The following FST variants were observed in gnomAD, a reference collection of about 807,000 sequenced individuals.
FST encodes follistatin.
In FST, 6 loss-of-function variants were observed where a neutral mutation model predicts 38.4. The observed-to-expected ratio is 0.16, with a 90% CI of 0.09 to 0.31. The LOEUF (loss-of-function observed/expected upper bound fraction) is 0.31. Among genes scored for constraint, FST ranks in the 10% least tolerant of loss-of-function variants. FST has a pLI of 1.00. For missense variants in FST, 301 were observed against 432.3 expected (o/e 0.70, Z 2.69); for synonymous variants, 157 against 169.8 (o/e 0.92, Z 0.59).
intron 1 of FST, 58 bp from the exon 2 acceptor site, chr5:53,482,822 C>G: frequency 8.9e-7 from 1 of 1,121,874 alleles, no homozygotes; most frequent in African/African-American, 1.6e-5. Context: ...CTCGCTCTCC[C>G]TGCCCTGCCA....
In FST at chr5:53,486,094, GAAAA is replaced by G. The variant is rs1261193756; in HGVS notation, c.*63_*66del. 1.4e-5 allele frequency: 10 copies of G among 696,908 alleles called. No homozygotes were observed. Among genetic ancestry groups the G allele is most frequent in the East Asian group, 3.3e-5 (1 of 30,764 alleles). The allele number at this position is 696,908 out of a possible 1,614,324, so 43.2% of individuals were successfully genotyped here. A position where few individuals can be genotyped will look rare whatever the true frequency, so the allele number is the denominator to read the frequency against. On this transcript the variant is annotated 3_prime_UTR_variant, in exon 6 of 6. Transcript: ENST00000256759. ...GTGCAAAAAAAAAAAAAAAAAAAAA[GAAAA>G]AGAAAAAAAGAAAAATATATTGTCC... is the stretch of plus-strand genomic sequence containing the variant.
intron 1 of FST, among the ~76,000 whole-genome samples, chr5:53,482,499 T>C (rs979276452): frequency 2.6e-5 from 4 of 151,920 alleles, no homozygotes; most frequent in African/African-American, 7.3e-5. Flanking sequence ...GCTCTTCGAG[T>C]CTCTGCAGGT....
At chr5:53,482,747 C>A in intron 1 of FST, 133 bp from the exon 2 acceptor site, 1 of 577,982 alleles carries the variant, frequency 1.7e-6, no homozygotes, top group South Asian at 2.3e-5. Flanking sequence ...TCCCGCGTCT[C>A]TCTCACTTCC....
In FST at chr5:53,480,830, C is replaced by CCTG. The variant is rs1217481371; in HGVS notation, c.51_53dup (p.Leu18dup). Reference sequence around the variant, plus strand: ...GGCACCAGCCGGGTGGGCTTTGCCTCCTGCTGCTGCTGCTCTGCCAGTTCA... The same window carrying CCTG: ...GGCACCAGCCGGGTGGGCTTTGCCTCCTGCTGCTGCTGCTGCTCTGCCAGTTCA... On this transcript the variant is annotated inframe_insertion, in exon 1 of 6. Coordinates refer to ENST00000256759, the MANE Select transcript of FST (RefSeq NM_013409.3). 5.9e-6 allele frequency: 9 copies of CCTG among 1,532,826 alleles called. No homozygotes were observed. Among genetic ancestry groups the CCTG allele is most frequent in the Non-Finnish European group, 7.0e-6 (8 of 1,137,876 alleles). 95.0% of individuals were successfully genotyped at this position (1,532,826 alleles called of 1,614,324 possible).
Position 53,484,153 on chromosome 5 carries a change from G to T in FST, c.581G>T (p.Arg194Leu). 1 of 1,612,118 alleles carries T rather than the reference G, an allele frequency of 6.2e-7. No individual in the cohort carries two copies. The highest frequency in any genetic ancestry group is 1.3e-5 in the African/African-American group (1 of 74,996). Residue 194 changes from arginine (R) to leucine (L), a missense_variant, in exon 4 of 6, where the codon CGG (arginine) becomes CTG (leucine). Physicochemically the swap from Arg to Leu is moderately radical, Grantham distance 102. Coordinates refer to ENST00000256759, the MANE Select transcript of FST (RefSeq NM_013409.3). Reference sequence around the variant, plus strand: ...AATGCCTACTGTGTGACCTGTAATCGGATTTGCCCAGAGCCTGCTTCCTCT... The same window carrying T: ...AATGCCTACTGTGTGACCTGTAATCTGATTTGCCCAGAGCCTGCTTCCTCT... ...TNNAYCVTCNRICPEPASSEQ... is the reference protein window; with the variant it reads ...TNNAYCVTCNLICPEPASSEQ...
Position 53,483,422 on chromosome 5 carries a change from G to T in FST, c.278-82G>T. ...AGCGCAAACTCAGGGCTGCATGATT[G>T]CGCAAGGCACCCGAAGCCCTCCTGG... On this transcript the variant is annotated intron_variant, in intron 2 of 5. Coordinates refer to ENST00000256759, the MANE Select transcript of FST (RefSeq NM_013409.3). This position sits in a 1 kb window ranked among gnomAD's most constrained non-coding sequence, Gnocchi z 4.1. 1 of 1,067,718 alleles carries T rather than the reference G, an allele frequency of 9.4e-7. No individual in the cohort carries two copies. Among genetic ancestry groups the T allele is most frequent in the Non-Finnish European group, 1.4e-6 (1 of 706,290 alleles). 66.1% of individuals were successfully genotyped at this position (1,067,718 alleles called of 1,614,324 possible).
rs935726825 is a variant in FST, at chr5:53,480,633, A to G, written c.-159A>G. On this transcript the variant is annotated 5_prime_UTR_variant, in exon 1 of 6. Coordinates refer to ENST00000256759, the MANE Select transcript of FST (RefSeq NM_013409.3). ...CGGCTGCGCCCGGCTTCTGACGTCC[A>G]TTGAATCGCGCGGGCGGCCGGCGGC... 1 of 150,652 alleles carries G rather than the reference A, an allele frequency of 6.6e-6. No individual in the cohort carries two copies. The highest frequency in any genetic ancestry group is 1.5e-5 in the Non-Finnish European group (1 of 68,010). 9.3% of individuals were successfully genotyped at this position (150,652 alleles called of 1,614,324 possible). A position where few individuals can be genotyped will look rare whatever the true frequency, so the allele number is the denominator to read the frequency against.
Position 53,485,196 on chromosome 5 carries a change from A to G in FST, c.921A>G (p.Leu307=), listed in dbSNP as rs754474265. ...MKEAACSSGV[L]LEVKHSGSCN... is the part of the protein sequence containing the mutation. Reference sequence around the variant, plus strand: ...AAGCTGCCTGCTCCTCAGGTGTGCTACTGGAAGTAAAGCACTCCGGATCTT... The same window carrying G: ...AAGCTGCCTGCTCCTCAGGTGTGCTGCTGGAAGTAAAGCACTCCGGATCTT... The change falls in exon 5 of 6, where the codon CTA becomes CTG. Residue 307 remains leucine, a synonymous_variant. Transcript: ENST00000256759. The G allele has an allele frequency of 5.6e-6, 9 of 1,608,580 alleles. No homozygotes were observed. The highest frequency in any genetic ancestry group is 2.2e-5 in the South Asian group (2 of 91,000).
In FST at chr5:53,483,619, C is replaced by G. The variant is rs752495972; in HGVS notation, c.393C>G (p.Val131=). 3.4e-5 allele frequency: 55 copies of G among 1,614,048 alleles called. No homozygotes were observed. In the Middle Eastern group the frequency reaches 6.6e-4, roughly 19 times the overall value. ...CCAACATCACCTGGAAGGGTCCAGT[C>G]TGCGGGCTGGATGGGAAAACCTACC... ...DCSNITWKGP[V]CGLDGKTYRN... The change falls in exon 3 of 6, where the codon GTC becomes GTG. Residue 131 remains valine (V), a synonymous_variant. Transcript: ENST00000256759. The surrounding 1 kb of genome is among the most constrained non-coding windows in gnomAD (Gnocchi z 4.1).
rs1198285470 is a variant in FST at position 53,483,805 on chromosome 5, G to A, written c.496+83G>A. ...AAAGTAGACCCTCTAGAAGACCCTT[G>A]GGGGATGGTGTAGTCCGCAGTAAGA... On this transcript the variant is annotated intron_variant, in intron 3 of 5. Transcript: ENST00000256759. The surrounding 1 kb of genome is among the most constrained non-coding windows in gnomAD (Gnocchi z 4.1). The A allele has an allele frequency of 2.0e-6, 2 of 1,010,196 alleles. No homozygotes were observed. The highest frequency in any genetic ancestry group is 3.0e-6 in the Non-Finnish European group (2 of 658,692). The allele number at this position is 1,010,196 out of a possible 1,614,324, so 62.6% of individuals were successfully genotyped here.
chr5:53,482,825 C>T, intron 1 of FST, 55 bp from the exon 2 acceptor site: 2 of 1,144,666 alleles, frequency 1.7e-6, no homozygotes, highest in Non-Finnish European at 2.5e-6. Context: ...GCTCTCCCTG[C>T]CCTGCCACCG....
At position 53,486,401 on chromosome 5, in the gene FST, A is replaced by G. The variant is rs1561301188; in HGVS notation, c.*368A>G. The G allele has an allele frequency of 6.3e-6, 1 of 158,218 alleles. No homozygotes were observed. The highest frequency in any genetic ancestry group is 2.4e-5 in the African/African-American group (1 of 41,690). The allele number at this position is 158,218 out of a possible 1,614,324, so 9.8% of individuals were successfully genotyped here. On this transcript the variant is annotated 3_prime_UTR_variant, in exon 6 of 6. Coordinates refer to ENST00000256759, the MANE Select transcript of FST (RefSeq NM_013409.3). The stretch of plus-strand genomic sequence containing the variant: ...GGAAGAGCAGTTGTTATTTATTGTG[A>G]GGTCTCTTGCTTGTAAAGTAAAAGC...
chr5:53,483,977 C>A lies in FST; in HGVS notation c.497-92C>A. ...CTAAGTGCCTTTTGAAAGCTGGATG[C>A]TTCAGTGTCATGATTTCCTTGGTAA... On this transcript the variant is annotated intron_variant, in intron 3 of 5. Coordinates refer to ENST00000256759, the MANE Select transcript of FST (RefSeq NM_013409.3). This position sits in a 1 kb window ranked among gnomAD's most constrained non-coding sequence, Gnocchi z 4.1. 1 of 1,092,266 alleles carries A rather than the reference C, an allele frequency of 9.2e-7. No individual in the cohort carries two copies. The highest frequency in any genetic ancestry group is 1.4e-6 in the Non-Finnish European group (1 of 732,098). 67.7% of individuals were successfully genotyped at this position (1,092,266 alleles called of 1,614,324 possible). A position where few individuals can be genotyped will look rare whatever the true frequency, so the allele number is the denominator to read the frequency against.
rs1304770399 is a variant in FST at position 53,486,085 on chromosome 5, AAAAAAAAAGAAAAAG to A, written c.*60_*74del. The A allele has an allele frequency of 4.2e-6, 4 of 941,912 alleles. No homozygotes were observed. Among genetic ancestry groups the A allele is most frequent in the Non-Finnish European group, 6.4e-6 (4 of 621,964 alleles). The allele number at this position is 941,912 out of a possible 1,614,324, so 58.3% of individuals were successfully genotyped here. A position where few individuals can be genotyped will look rare whatever the true frequency, so the allele number is the denominator to read the frequency against. ...ATAGCCTTTGTGCAAAAAAAAAAAA[AAAAAAAAAGAAAAAG>A]AAAAAAAGAAAAATATATTGTCCAT... On this transcript the variant is annotated 3_prime_UTR_variant, in exon 6 of 6. Coordinates refer to ENST00000256759, the MANE Select transcript of FST (RefSeq NM_013409.3).
chr5:53,482,059 C>A (rs754718701), intron 1 of FST, among the ~76,000 whole-genome samples: 14 of 152,240 alleles, frequency 9.2e-5, no homozygotes, highest in Non-Finnish European at 1.6e-4. Context: ...TCGGAGATTT[C>A]GAAAGATCGC....
rs1747136608 is a variant in FST, at chr5:53,480,653, G to T, written c.-139G>T. On this transcript the variant is annotated 5_prime_UTR_variant, in exon 1 of 6. Coordinates refer to ENST00000256759, the MANE Select transcript of FST (RefSeq NM_013409.3). ...CGTCCATTGAATCGCGCGGGCGGCC[G>T]GCGGCGAGCGCGGGGCTGCGCCGGG... 6.6e-6 allele frequency: 1 copy of T among 151,912 alleles called. No individual in the cohort carries two copies. Among genetic ancestry groups the T allele is most frequent in the South Asian group, 2.0e-4 (1 of 4,924 alleles). The allele number at this position is 151,912 out of a possible 1,614,324, so 9.4% of individuals were successfully genotyped here.
intron 3 of FST, 55 bp from the exon 4 acceptor site, chr5:53,484,014 C>A: frequency 1.4e-6 from 2 of 1,454,586 alleles, no homozygotes; most frequent in South Asian, 1.2e-5. Context: ...TTCAAGTGCT[C>A]ACTCCCTAAG....
At chr5:53,482,513 G>A (rs1194231017) in intron 1 of FST, among the ~76,000 whole-genome samples, 2 of 152,002 alleles carry the variant, frequency 1.3e-5, no homozygotes, top group Non-Finnish European at 2.9e-5. Context: ...TGCAGGTTAT[G>A]AAATGGGACG....
chr5:53,482,176 T>C (rs1747259979), intron 1 of FST, among the ~76,000 whole-genome samples: 1 of 152,240 alleles, frequency 6.6e-6, no homozygotes, highest in Non-Finnish European at 1.5e-5. Context: ...GGGTTGCTTT[T>C]TTGCTTTCAT....
Sources: gnomAD v4.1 joint callset for allele counts (sites outside exome capture counted in the v4.1 genomes callset) on GRCh38, gnomAD v4.1.1 for gene constraint, Gnocchi (gnomAD v3.1) non-coding constraint, MANE v1.5 for transcripts, NCBI Gene and HGNC (gene_info 2026-07-23, HGNC 2026-07-21) for gene names.